The following PDK3 variants were observed in gnomAD, a reference collection of about 807,000 sequenced individuals.
The protein encoded by PDK3 is pyruvate dehydrogenase kinase, isozyme 3.
A neutral mutation model predicts 32.0 loss-of-function variants in PDK3; 12 were observed. The observed-to-expected ratio is 0.37, with a 90% CI of 0.24 to 0.61. PDK3 has a LOEUF of 0.61. Among genes scored for constraint, PDK3 ranks in the 20% least tolerant of loss-of-function variants. The pLI, the probability that PDK3 is intolerant of heterozygous loss-of-function variation, is 0.65. For synonymous variants in PDK3, 122 were observed against 116.3 expected (o/e 1.05, Z -0.31); for missense variants, 188 against 316.9 (o/e 0.59, Z 3.09).
chrX:24,543,297 A>C (rs974003378), exon 12 of PDK3, among the ~76,000 whole-genome samples: 4 of 110,287 alleles, frequency 3.6e-5, no homozygotes, highest in African/African-American at 1.3e-4. Flanking sequence ...GATGGCACTC[A>C]TCTCATCTTT....
At chrX:24,518,875 ACACACG>A in intron 5 of PDK3, 52 bp from the exon 6 acceptor site, 1 of 604,149 alleles carries the variant, frequency 1.7e-6, no homozygotes, top group Non-Finnish European at 2.6e-6. Flanking sequence ...ACACACACAC[ACACACG>A]CTTGTGCCTA....
chrX:24,484,019 T>TATTGAATACCTACAA, intron 1 of PDK3, among the ~76,000 whole-genome samples: 1 of 107,045 alleles, frequency 9.3e-6, no homozygotes, highest in East Asian at 2.9e-4. Context: ...AGGAAATTTT[T>TATTGAATACCTACAA]TGTTGTTGTT....
chrX:24,500,688 G>T (rs1379132905), intron 3 of PDK3, among the ~76,000 whole-genome samples: 9 of 112,271 alleles, frequency 8.0e-5, no homozygotes, highest in Non-Finnish European at 1.7e-4. Context: ...AGGAGTGAAA[G>T]GTGAGCGAGT....
At chrX:24,538,705 C>T (rs1922829124), downstream of PDK3, among the ~76,000 whole-genome samples, 1 of 111,429 alleles carries the variant, frequency 9.0e-6, no homozygotes, top group African/African-American at 3.3e-5. Context: ...ACCCAGGAGG[C>T]ATAGGCAGCA....
At chrX:24,486,884 G>C (rs1177060006) in intron 1 of PDK3, among the ~76,000 whole-genome samples, 2 of 111,623 alleles carry the variant, frequency 1.8e-5, no homozygotes, top group African/African-American at 6.5e-5. Flanking sequence ...TCTTGCCTCA[G>C]CCTCCCAAAG....
At chrX:24,482,261 A>G (rs920813985) in intron 1 of PDK3, among the ~76,000 whole-genome samples, 5 of 111,478 alleles carry the variant, frequency 4.5e-5, no homozygotes, top group Non-Finnish European at 7.5e-5. Flanking sequence ...TCCAGGCTGG[A>G]GTGCGTGGTG....
At chrX:24,492,278 C>T (rs1049304703) in intron 1 of PDK3, among the ~76,000 whole-genome samples, 6 of 111,668 alleles carry the variant, frequency 5.4e-5, no homozygotes, top group Non-Finnish European at 9.4e-5. Context: ...CATCATAAGT[C>T]GAAAATATTG....
chrX:24,548,112 G>A (rs1372932234), exon 12 of PDK3: 1 of 112,137 alleles, frequency 8.9e-6, no homozygotes, highest in African/African-American at 3.2e-5. Flanking sequence ...CTATTACAGT[G>A]TGTTCAGATT....
In PDK3 at chrX:24,526,184, G is replaced by T; in HGVS notation, c.674-14G>T. 1 of 1,178,440 alleles carries T rather than the reference G, an allele frequency of 8.5e-7. No homozygotes were observed. Among genetic ancestry groups the T allele is most frequent in the Non-Finnish European group, 1.2e-6 (1 of 867,278 alleles). ...TGGGTCCTTATTGATTGATGGTTTTGTCTCTGTTTTCAGCCAAAGCGCCAG... is the reference window on the plus strand; with the variant it reads ...TGGGTCCTTATTGATTGATGGTTTTTTCTCTGTTTTCAGCCAAAGCGCCAG... On this transcript the variant is annotated splice_polypyrimidine_tract_variant and intron_variant, in intron 6 of 10. Transcript: ENST00000379162.
chrX:24,506,023 G>A (rs888116867), intron 5 of PDK3, among the ~76,000 whole-genome samples: 1 of 111,109 alleles, frequency 9.0e-6, no homozygotes, highest in African/African-American at 3.3e-5. Context: ...TTCTTTAAAC[G>A]CTCACCTCCC....
chrX:24,521,007 G>A (rs1465157267), intron 6 of PDK3, among the ~76,000 whole-genome samples: 3 of 111,259 alleles, frequency 2.7e-5, no homozygotes, highest in Admixed American at 9.6e-5. Flanking sequence ...GGCCAGGCAT[G>A]GTGGCTCACA....
chrX:24,523,680 G>A (rs962814421), intron 6 of PDK3, among the ~76,000 whole-genome samples: 1 of 112,225 alleles, frequency 8.9e-6, no homozygotes, highest in Non-Finnish European at 1.9e-5. Flanking sequence ...AACCTAGGAA[G>A]AATTAGGGCT....
At chrX:24,472,706 G>A (rs1196120931) in intron 1 of PDK3, among the ~76,000 whole-genome samples, 2 of 32,948 alleles carry the variant, frequency 6.1e-5, no homozygotes, top group African/African-American at 1.2e-4. Flanking sequence ...TTTTTTGTGA[G>A]ACGGAGTTTT....
At chrX:24,480,916 A>C (rs1275903321) in intron 1 of PDK3, among the ~76,000 whole-genome samples, 2 of 112,162 alleles carry the variant, frequency 1.8e-5, no homozygotes, top group African/African-American at 6.5e-5. Flanking sequence ...AGGTTTTTGA[A>C]ATAAGGGTGG....
exon 12 of PDK3, chrX:24,548,003 A>G (rs1460773765): frequency 8.9e-6 from 1 of 112,545 alleles, no homozygotes; most frequent in Admixed American, 9.4e-5. Flanking sequence ...AAATGATTTT[A>G]TATGTATTTT....
At chrX:24,480,428 C>T (rs1921224904) in intron 1 of PDK3, among the ~76,000 whole-genome samples, 1 of 112,343 alleles carries the variant, frequency 8.9e-6, no homozygotes, top group African/African-American at 3.2e-5. Context: ...CCATGGTTCT[C>T]AGTCCTGGCT....
At chrX:24,498,802 C>G (rs750628035) in intron 2 of PDK3, 27 bp from the exon 3 acceptor site, 2 of 966,279 alleles carry the variant, frequency 2.1e-6, no homozygotes, top group South Asian at 4.6e-5. Context: ...AGTAACTCTT[C>G]TTTTTCTTTT....
chrX:24,522,581 C>T (rs763121146), intron 6 of PDK3, among the ~76,000 whole-genome samples: 46 of 111,449 alleles, frequency 4.1e-4, no homozygotes, highest in Non-Finnish European at 7.7e-4. Flanking sequence ...ATAAACTGAG[C>T]ACCCAGCTTG....
chrX:24,538,817 A>G (rs988628912), downstream of PDK3, among the ~76,000 whole-genome samples: 3 of 111,735 alleles, frequency 2.7e-5, no homozygotes, highest in Admixed American at 2.8e-4. Flanking sequence ...CATATTTTTT[A>G]GTATATTCAC....
Sources: gnomAD v4.1 joint callset for allele counts (sites outside exome capture counted in the v4.1 genomes callset) on GRCh38, gnomAD v4.1.1 for gene constraint, MANE v1.5 for transcripts, NCBI Gene and HGNC (gene_info 2026-07-23, HGNC 2026-07-21) for gene names.